Variants in SLC39A12 observed in about 807,000 individuals in gnomAD.
The protein encoded by SLC39A12 is zinc transporter ZIP12.
SLC39A12 carries 63 observed loss-of-function variants against 71.1 expected under a neutral mutation model. That is an observed-to-expected ratio of 0.89 (90% CI 0.72 to 1.09). The LOEUF is 1.09. Among genes scored for constraint, SLC39A12 ranks in the 50% least tolerant of loss-of-function variants. The pLI is 0.00. For synonymous variants in SLC39A12, 351 were observed against 301.3 expected (o/e 1.16, Z -1.71); for missense variants, 892 against 812.6 (o/e 1.10, Z -1.19).
chr10:17,968,357 G>A (rs1290387886), intron 4 of SLC39A12, among the ~76,000 whole-genome samples: 1 of 151,794 alleles, frequency 6.6e-6, no homozygotes, highest in Non-Finnish European at 1.5e-5. Context: ...TAAGTTTAGA[G>A]AACAAATGAG....
At chr10:18,030,559 T>C (rs1243602885) in intron 12 of SLC39A12, among the ~76,000 whole-genome samples, 2 of 151,946 alleles carry the variant, frequency 1.3e-5, no homozygotes, top group Non-Finnish European at 2.9e-5. Context: ...AAACACATAT[T>C]GTCTGCCTTG....
chr10:18,020,541 T>G (rs1416074585), intron 12 of SLC39A12, among the ~76,000 whole-genome samples: 2 of 152,050 alleles, frequency 1.3e-5, no homozygotes, highest in Non-Finnish European at 2.9e-5. Context: ...TTAAGAAATC[T>G]CCAGACTGTT....
chr10:18,023,130 G>A (rs998560141), intron 12 of SLC39A12, among the ~76,000 whole-genome samples: 4 of 152,154 alleles, frequency 2.6e-5, no homozygotes. Context: ...GCAAGCTAAG[G>A]CTTTTTGTTC....
At chr10:18,041,132 C>G (rs1279066662) in intron 12 of SLC39A12, among the ~76,000 whole-genome samples, 2 of 152,162 alleles carry the variant, frequency 1.3e-5, no homozygotes, top group Non-Finnish European at 2.9e-5. Flanking sequence ...TATGCTTGCT[C>G]TGACCTTCTC....
chr10:18,029,598 C>G (rs540656844), intron 12 of SLC39A12, among the ~76,000 whole-genome samples: 6 of 152,266 alleles, frequency 3.9e-5, no homozygotes, highest in African/African-American at 1.4e-4. Context: ...GCTAAAATGT[C>G]CTTCTTTTTC....
At chr10:17,976,247 C>T (rs1169470203) in intron 4 of SLC39A12, among the ~76,000 whole-genome samples, 1 of 152,140 alleles carries the variant, frequency 6.6e-6, no homozygotes, top group African/African-American at 2.4e-5. Flanking sequence ...TGCCATCTTA[C>T]TCTGCCTCCT....
intron 12 of SLC39A12, among the ~76,000 whole-genome samples, chr10:18,009,090 C>T (rs1257675351): frequency 6.6e-6 from 1 of 151,944 alleles, no homozygotes; most frequent in African/African-American, 2.4e-5. Context: ...ATGGGTTATG[C>T]CAAGGGAGGG....
At chr10:17,964,903 C>T (rs757327208) in intron 3 of SLC39A12, among the ~76,000 whole-genome samples, 2 of 152,140 alleles carry the variant, frequency 1.3e-5, no homozygotes, top group Non-Finnish European at 2.9e-5. Context: ...TTGGAGAAAA[C>T]ACATCTTTAA....
intron 8 of SLC39A12, among the ~76,000 whole-genome samples, chr10:17,991,668 C>A (rs1835551213): frequency 6.6e-6 from 1 of 152,112 alleles, no homozygotes; most frequent in Non-Finnish European, 1.5e-5. Flanking sequence ...CACAAAATCA[C>A]ATGTAATTTT....
At chr10:18,023,434 G>C (rs1299483181) in intron 12 of SLC39A12, among the ~76,000 whole-genome samples, 2 of 152,194 alleles carry the variant, frequency 1.3e-5, no homozygotes, top group Non-Finnish European at 2.9e-5. Flanking sequence ...CCTGGTGGTA[G>C]GGGACCAGGT....
chr10:17,966,644 G>C (rs1369039481), intron 4 of SLC39A12, among the ~76,000 whole-genome samples: 1 of 151,954 alleles, frequency 6.6e-6, no homozygotes, highest in East Asian at 1.9e-4. Context: ...TCATTATCAC[G>C]AGTAAAAAAT....
intron 12 of SLC39A12, among the ~76,000 whole-genome samples, chr10:18,041,569 CACACACATACAT>C (rs1837228584): frequency 7.9e-6 from 1 of 127,206 alleles, no homozygotes; most frequent in Non-Finnish European, 1.6e-5. Context: ...CACACATACA[CACACACATACAT>C]ACACACACCA....
intron 4 of SLC39A12, 63 bp downstream of exon 4, chr10:17,965,753 C>A: frequency 7.5e-7 from 1 of 1,326,648 alleles, no homozygotes; most frequent in Non-Finnish European, 1.1e-6. Context: ...ATGCCAAAAA[C>A]AAAGGCCAAA....
chr10:17,973,293 T>C (rs1190342214), intron 4 of SLC39A12, among the ~76,000 whole-genome samples: 1 of 152,138 alleles, frequency 6.6e-6, no homozygotes, highest in Non-Finnish European at 1.5e-5. Flanking sequence ...GTTACAGTGT[T>C]ATAGAATTCT....
intron 12 of SLC39A12, among the ~76,000 whole-genome samples, chr10:18,026,582 T>G (rs966176199): frequency 1.3e-5 from 2 of 152,200 alleles, no homozygotes; most frequent in African/African-American, 4.8e-5. Flanking sequence ...TGACATTAAT[T>G]TGGAGAAATT....
chr10:17,989,611 T>A (rs1041648258), intron 7 of SLC39A12, among the ~76,000 whole-genome samples: 5 of 152,122 alleles, frequency 3.3e-5, no homozygotes, highest in African/African-American at 9.7e-5. Flanking sequence ...TAGACAGTTT[T>A]TTTTTTGCTT....
intron 6 of SLC39A12, among the ~76,000 whole-genome samples, chr10:17,984,522 A>G (rs1171920814): frequency 6.6e-6 from 1 of 152,218 alleles, no homozygotes; most frequent in African/African-American, 2.4e-5. Context: ...TCATGTTACT[A>G]TTCAAATATC....
chr10:17,978,551 T>C (rs1445647610), intron 5 of SLC39A12, among the ~76,000 whole-genome samples: 1 of 152,220 alleles, frequency 6.6e-6, no homozygotes, highest in Non-Finnish European at 1.5e-5. Flanking sequence ...TTGATCTCCA[T>C]ATTAATCCAT....
chr10:18,000,576 G>GGAA lies in SLC39A12; in HGVS notation c.1601-91_1601-90insGAA, dbSNP rs1835804233. The GGAA allele has an allele frequency of 5.6e-4, 663 of 1,179,150 alleles. 6 individuals carry two copies. In the South Asian group the frequency reaches 8.0e-3, roughly 14 times the overall value. 73.0% of individuals were successfully genotyped at this position (1,179,150 alleles called of 1,614,324 possible). ...ATCAGATGGAATATAAGAATGTCAAGTGTAGGTGGGAAGGTTGGTTGGTTT... is the reference window on the plus strand; with the variant it reads ...ATCAGATGGAATATAAGAATGTCAAGGAATGTAGGTGGGAAGGTTGGTTGGTTT... On this transcript the variant is annotated intron_variant, in intron 10 of 12. Coordinates refer to ENST00000377369, the MANE Select transcript of SLC39A12 (RefSeq NM_001145195.2).
Sources: gnomAD v4.1 joint callset for allele counts (sites outside exome capture counted in the v4.1 genomes callset) on GRCh38, gnomAD v4.1.1 for gene constraint, MANE v1.5 for transcripts, NCBI Gene and HGNC (gene_info 2026-07-23, HGNC 2026-07-21) for gene names.